The following IFT81 variants were observed in gnomAD, a reference collection of about 807,000 sequenced individuals.
IFT81 encodes the protein intraflagellar transport protein 81 homolog.
A neutral mutation model predicts 102.6 loss-of-function variants in IFT81; 72 were observed. That is an observed-to-expected ratio of 0.70 (90% confidence interval 0.58 to 0.85). The LOEUF is 0.85. Ranked by LOEUF, IFT81 falls within the 40% of genes least tolerant of loss-of-function variation. IFT81 has a pLI of 0.00. For missense variants in IFT81, 723 were observed against 787.3 expected, an observed-to-expected ratio of 0.92 and a Z score of 0.98; for synonymous variants, 237 against 242.7, an observed-to-expected ratio of 0.98 and a Z score of 0.22.
chr12:110,209,499 T>C (rs1027177650), intron 18 of IFT81, among the ~76,000 whole-genome samples: 1 of 152,216 alleles, frequency 6.6e-6, no homozygotes, highest in Non-Finnish European at 1.5e-5. Context: ...CTGGGCGCGG[T>C]GGCTCACGCC....
intron 10 of IFT81, among the ~76,000 whole-genome samples, chr12:110,157,176 C>G (rs527366512): frequency 6.6e-6 from 1 of 151,910 alleles, no homozygotes; most frequent in South Asian, 2.1e-4. Context: ...GGTGAAACCC[C>G]GTCTCTACCA....
intron 9 of IFT81, among the ~76,000 whole-genome samples, chr12:110,146,083 A>G (rs1427015722): frequency 6.6e-6 from 1 of 152,184 alleles, no homozygotes; most frequent in African/African-American, 2.4e-5. Context: ...AAGTGCTTCA[A>G]TTACAGATGT....
intron 12 of IFT81, among the ~76,000 whole-genome samples, chr12:110,186,775 C>A (rs1897552575): frequency 6.6e-6 from 1 of 152,162 alleles, no homozygotes; most frequent in Admixed American, 6.5e-5. Context: ...AAACGATCCA[C>A]CTGCCTTGCC....
At chr12:110,204,163 C>T (rs1230410614) in intron 15 of IFT81, 1 of 437,460 alleles carries the variant, frequency 2.3e-6, no homozygotes, top group South Asian at 3.1e-5. Flanking sequence ...CCCGTGTACG[C>T]ACATTTTCAC....
At chr12:110,157,217 C>T (rs935702565) in intron 10 of IFT81, among the ~76,000 whole-genome samples, 26 of 151,838 alleles carry the variant, frequency 1.7e-4, no homozygotes, top group South Asian at 4.2e-4. Flanking sequence ...GGGGTGGTGG[C>T]GTGTGCCTGT....
At chr12:110,136,678 A>G (rs977812366) in intron 7 of IFT81, 98 bp from the exon 8 acceptor site, 7 of 569,018 alleles carry the variant, frequency 1.2e-5, no homozygotes, top group Non-Finnish European at 2.0e-5. Context: ...CTTTTATATC[A>G]TAAGAATTAT....
chr12:110,138,712 C>T (rs1237170525), intron 8 of IFT81, among the ~76,000 whole-genome samples: 3 of 152,126 alleles, frequency 2.0e-5, no homozygotes, highest in East Asian at 3.9e-4. Context: ...GGATTATAGG[C>T]GTAAGCCACT....
chr12:110,200,832 C>G (rs893272452), intron 14 of IFT81, among the ~76,000 whole-genome samples: 1 of 151,926 alleles, frequency 6.6e-6, no homozygotes, highest in African/African-American at 2.4e-5. Flanking sequence ...TGGCTGTAAT[C>G]CCAGCTACTT....
intron 9 of IFT81, 131 bp from the exon 10 acceptor site, chr12:110,146,822 A>T: frequency 8.9e-7 from 1 of 1,117,880 alleles, no homozygotes; most frequent in Non-Finnish European, 1.2e-6. Flanking sequence ...AAATTAGTCT[A>T]GGTGAAACTG....
intron 3 of IFT81, 61 bp from the exon 4 acceptor site, chr12:110,128,888 GT>G: frequency 8.0e-7 from 1 of 1,246,710 alleles, no homozygotes; most frequent in Non-Finnish European, 1.1e-6. Flanking sequence ...AGAAAATGCT[GT>G]CTCTCTTCAA....
chr12:110,171,062 T>C (rs779408521), intron 11 of IFT81, among the ~76,000 whole-genome samples: 8 of 152,160 alleles, frequency 5.3e-5, no homozygotes, highest in African/African-American at 9.7e-5. Context: ...GGCAAACCTG[T>C]GATATTTTTA....
chr12:110,154,360 G>A (rs1895720279), intron 10 of IFT81, among the ~76,000 whole-genome samples: 1 of 150,324 alleles, frequency 6.7e-6, no homozygotes, highest in South Asian at 2.1e-4. Flanking sequence ...GCCGGGTGCG[G>A]TGACTCACGC....
chr12:110,143,600 T>A, intron 9 of IFT81, 55 bp downstream of exon 9: 1 of 1,393,724 alleles, frequency 7.2e-7, no homozygotes, highest in Admixed American at 2.7e-5. Flanking sequence ...CCCAGTCCTA[T>A]AAAATTATGT....
chr12:110,217,049 T>TG, intron 18 of IFT81, among the ~76,000 whole-genome samples: 1 of 152,256 alleles, frequency 6.6e-6, no homozygotes, highest in African/African-American at 2.4e-5. Context: ...TCCTCCTAGC[T>TG]GGTTTTTGTT....
At chr12:110,170,200 G>A (rs556525380) in intron 11 of IFT81, among the ~76,000 whole-genome samples, 4 of 151,696 alleles carry the variant, frequency 2.6e-5, no homozygotes, top group Admixed American at 6.6e-5. Context: ...TGATCCACCC[G>A]CCTTAGCCTC....
At chr12:110,185,441 C>T (rs771382795) in intron 12 of IFT81, among the ~76,000 whole-genome samples, 12 of 152,022 alleles carry the variant, frequency 7.9e-5, no homozygotes, top group Non-Finnish European at 1.3e-4. Flanking sequence ...CTGCCCACCT[C>T]GGCCTCCCAA....
chr12:110,144,209 T>A (rs939951031), intron 9 of IFT81, among the ~76,000 whole-genome samples: 1 of 150,398 alleles, frequency 6.6e-6, no homozygotes, highest in Admixed American at 6.7e-5. Flanking sequence ...TTTTTGTTGT[T>A]GTTGTTTTGT....
intron 11 of IFT81, among the ~76,000 whole-genome samples, chr12:110,163,417 T>G (rs1896252352): frequency 1.3e-5 from 2 of 151,946 alleles, no homozygotes; most frequent in Non-Finnish European, 2.9e-5. Flanking sequence ...ATTTTTGTAT[T>G]TTTAGTAGAG....
intron 11 of IFT81, among the ~76,000 whole-genome samples, chr12:110,173,219 T>TG (rs1896857116): frequency 1.1e-5 from 1 of 95,188 alleles, no homozygotes; most frequent in African/African-American, 4.3e-5. Context: ...GAGGTGGGGG[T>TG]TCAGCCCCCC....
Sources: allele counts gnomAD v4.1 joint callset (sites outside exome capture counted in the v4.1 genomes callset), GRCh38; gene constraint gnomAD v4.1.1; transcripts MANE v1.5; gene names NCBI Gene and HGNC (gene_info 2026-07-23, HGNC 2026-07-21).